The following UBA3 variants were observed in gnomAD, a reference collection of about 807,000 sequenced individuals.
The protein encoded by UBA3 is NEDD8-activating enzyme E1 catalytic subunit.
Under a neutral mutation model 73.5 loss-of-function variants are expected in UBA3, and 26 were observed. The observed-to-expected ratio is 0.35, with a 90% CI of 0.26 to 0.49. The LOEUF (loss-of-function observed/expected upper bound fraction) is 0.49, where lower values mean the gene tolerates loss of function less well. UBA3 is among the 20% of genes least tolerant of loss of function. The pLI is 0.98. For synonymous variants in UBA3, 217 were observed against 191.2 expected (o/e 1.13, Z -1.11); for missense variants, 495 against 555.6 (o/e 0.89, Z 1.10).
intron 2 of UBA3, among the ~76,000 whole-genome samples, chr3:69,078,870 A>G (rs922518730): frequency 2.0e-5 from 3 of 152,220 alleles, no homozygotes; most frequent in Admixed American, 6.5e-5. Flanking sequence ...ACAGATAGAC[A>G]TCTACAAACC....
chr3:69,061,784 A>G, intron 11 of UBA3, 30 bp downstream of exon 11: 4 of 1,441,870 alleles, frequency 2.8e-6, no homozygotes, highest in Non-Finnish European at 3.8e-6. Context: ...TCATCCCAAC[A>G]TCATAATTCA....
intron 5 of UBA3, among the ~76,000 whole-genome samples, chr3:69,068,972 T>G (rs1018855987): frequency 2.6e-5 from 4 of 152,240 alleles, no homozygotes; most frequent in African/African-American, 9.6e-5. Flanking sequence ...AAAAGGTCAC[T>G]CTTAAAACAA....
In UBA3 at chr3:69,080,334, G is replaced by A. The variant is rs762194370; in HGVS notation, c.20C>T (p.Pro7Leu). Reference protein sequence around the residue: MADGEEPEKKRRRIEEL... With the variant: MADGEELEKKRRRIEEL... ...GCGTCTGCAGAGCCCCGGTACTTACGGCTCCTCGCCATCCGCCATATTGTT... is the reference window on the plus strand; with the variant it reads ...GCGTCTGCAGAGCCCCGGTACTTACAGCTCCTCGCCATCCGCCATATTGTT... Residue 7 changes from proline to leucine, a missense_variant and splice_region_variant, in exon 1 of 18, where the codon CCG (proline) becomes CTG (leucine). Coordinates refer to ENST00000361055, the MANE Select transcript of UBA3 (RefSeq NM_003968.4). 1.0e-5 allele frequency: 16 copies of A among 1,599,946 alleles called. No individual in the cohort carries two copies. The highest frequency in any genetic ancestry group is 6.8e-5 in the East Asian group (3 of 44,104).
intron 11 of UBA3, among the ~76,000 whole-genome samples, chr3:69,057,918 A>ATTT (rs1369207209): frequency 4.1e-5 from 4 of 97,582 alleles, no homozygotes; most frequent in African/African-American, 1.2e-4. Context: ...TCAACCCCAC[A>ATTT]TTTTTCTTTT....
chr3:69,065,679 T>C (rs946196939), intron 6 of UBA3, among the ~76,000 whole-genome samples: 2 of 152,176 alleles, frequency 1.3e-5, no homozygotes, highest in African/African-American at 4.8e-5. Context: ...CAGGCTCAAG[T>C]GATCTTCCCG....
At chr3:69,065,278 T>C (rs2092059916) in intron 6 of UBA3, among the ~76,000 whole-genome samples, 1 of 148,876 alleles carries the variant, frequency 6.7e-6, no homozygotes, top group Admixed American at 6.7e-5. Context: ...CAGGGGCCTG[T>C]ATTTGCATTT....
rs1239705974 is a variant in UBA3 at position 69,080,135 on chromosome 3, TCTC to T, written c.36_38del (p.Arg13del). 8 of 1,608,780 alleles carry T rather than the reference TCTC, an allele frequency of 5.0e-6. No homozygotes were observed. The highest frequency in any genetic ancestry group is 3.3e-5 in the Admixed American group (2 of 59,858). On this transcript the variant is annotated inframe_deletion, in exon 2 of 18. Coordinates refer to ENST00000361055, the MANE Select transcript of UBA3 (RefSeq NM_003968.4). ...ACTTCTCAGCCAGCAGCTCCTCTATTCTCCTTCTTTTCTTCTCCCTAAAAGAGA... is the reference window on the plus strand; with the variant it reads ...ACTTCTCAGCCAGCAGCTCCTCTATTCTTCTTTTCTTCTCCCTAAAAGAGA...
chr3:69,058,131 C>T (rs1285502507), intron 11 of UBA3, among the ~76,000 whole-genome samples: 2 of 152,006 alleles, frequency 1.3e-5, no homozygotes, highest in Admixed American at 6.6e-5. Context: ...GGGGTTTCAC[C>T]GTGTTAGCCA....
intron 12 of UBA3, 42 bp downstream of exon 12, chr3:69,057,214 A>C (rs1426636268): frequency 1.9e-6 from 3 of 1,595,492 alleles, no homozygotes; most frequent in South Asian, 2.3e-5. Context: ...TCAAAAACTA[A>C]AGAAAGCAAA....
chr3:69,077,360 A>C (rs2092177030), intron 3 of UBA3: 1 of 153,160 alleles, frequency 6.5e-6, no homozygotes, highest in African/African-American at 2.4e-5. Flanking sequence ...CTATCAGTCC[A>C]AAATTCTACG....
Position 69,064,095 on chromosome 3 carries a change from G to C in UBA3, c.445C>G (p.Gln149Glu). Residue 149 changes from glutamine to glutamate, a missense_variant, in exon 7 of 18, where the codon CAA becomes GAA. Transcript: ENST00000361055. ...CGATAGAAAGTGTCGTTAAAATCTT[G>C]AATCTTGTTGAAATGTCTGAATACA... ...CNVVPHFNKI[Q>E]DFNDTFYRQF... is the part of the protein sequence containing the mutation. The C allele has an allele frequency of 6.2e-7, 1 of 1,603,114 alleles. No homozygotes were observed. Among genetic ancestry groups the C allele is most frequent in the Non-Finnish European group, 8.5e-7 (1 of 1,176,036 alleles).
intron 6 of UBA3, among the ~76,000 whole-genome samples, chr3:69,066,505 G>A (rs2092073075): frequency 6.6e-6 from 1 of 151,816 alleles, no homozygotes; most frequent in Non-Finnish European, 1.5e-5. Flanking sequence ...GTGCAGTAGC[G>A]CAATTTCAGC....
intron 3 of UBA3, among the ~76,000 whole-genome samples, chr3:69,076,853 A>C (rs532927604): frequency 6.6e-6 from 1 of 151,550 alleles, no homozygotes; most frequent in Non-Finnish European, 1.5e-5. Flanking sequence ...TTGACCTCCC[A>C]AAGTGCTGGG....
At chr3:69,070,814 T>A (rs562258823) in intron 5 of UBA3, among the ~76,000 whole-genome samples, 5 of 152,170 alleles carry the variant, frequency 3.3e-5, no homozygotes, top group Admixed American at 6.5e-5. Flanking sequence ...CCGGCTAATT[T>A]TTTAATTTTT....
chr3:69,070,207 G>A (rs996647907), intron 5 of UBA3, among the ~76,000 whole-genome samples: 1 of 152,050 alleles, frequency 6.6e-6, no homozygotes, highest in Non-Finnish European at 1.5e-5. Flanking sequence ...TGACAAGCTG[G>A]ACAGAGCCCA....
At chr3:69,057,362 C>A (rs770755922) in intron 11 of UBA3, 53 bp from the exon 12 acceptor site, 30 of 1,497,908 alleles carry the variant, frequency 2.0e-5, no homozygotes, top group African/African-American at 1.3e-4. Context: ...TAAAAGAGTT[C>A]TCTTAAATTA....
In UBA3 at chr3:69,054,843, G is replaced by C. The variant is rs1328917402; in HGVS notation, c.*594C>G. ...GCATTAGTTAATATTGTGCATATTGGCCTCTATGGCACTACAAGTAAACAG... is the reference window on the plus strand; with the variant it reads ...GCATTAGTTAATATTGTGCATATTGCCCTCTATGGCACTACAAGTAAACAG... On this transcript the variant is annotated 3_prime_UTR_variant, in exon 18 of 18. Transcript: ENST00000361055. 6.6e-6 allele frequency: 1 copy of C among 152,092 alleles called. No homozygotes were observed. Among genetic ancestry groups the C allele is most frequent in the Non-Finnish European group, 1.5e-5 (1 of 68,020 alleles). The allele number at this position is 152,092 out of a possible 1,614,324, so 9.4% of individuals were successfully genotyped here. A position where few individuals can be genotyped will look rare whatever the true frequency, so the allele number is the denominator to read the frequency against.
chr3:69,064,920 A>G (rs760984377), intron 6 of UBA3, among the ~76,000 whole-genome samples: 1 of 152,194 alleles, frequency 6.6e-6, no homozygotes, highest in Non-Finnish European at 1.5e-5. Flanking sequence ...GAAAAAAGGG[A>G]CAATACATAG....
At chr3:69,074,198 G>C (rs548359987) in intron 4 of UBA3, among the ~76,000 whole-genome samples, 1 of 152,214 alleles carries the variant, frequency 6.6e-6, no homozygotes, top group Non-Finnish European at 1.5e-5. Context: ...ATAAGCTTTA[G>C]GAAACTTGTA....
Sources: allele counts gnomAD v4.1 joint callset (sites outside exome capture counted in the v4.1 genomes callset), GRCh38; gene constraint gnomAD v4.1.1; transcripts MANE v1.5; gene names NCBI Gene and HGNC (gene_info 2026-07-23, HGNC 2026-07-21).